The following SLCO3A1 variants were observed in gnomAD, a reference collection of about 807,000 sequenced individuals.
The protein encoded by SLCO3A1 is solute carrier organic anion transporter family member 3A1.
SLCO3A1 carries 27 observed loss-of-function variants against 63.1 expected under a neutral mutation model. The observed-to-expected ratio is 0.43, with a 90% CI of 0.32 to 0.59. SLCO3A1 has a LOEUF of 0.59. Among genes scored for constraint, SLCO3A1 ranks in the 20% least tolerant of loss-of-function variants. SLCO3A1 has a pLI of 0.09. For synonymous variants in SLCO3A1, 473 were observed against 409.9 expected (o/e 1.15, Z -1.86); for missense variants, 773 against 945.8 (o/e 0.82, Z 2.40).
chr15:92,087,388 GA>G (rs1313967242), intron 2 of SLCO3A1, among the ~76,000 whole-genome samples: 22 of 152,178 alleles, frequency 1.4e-4, no homozygotes, highest in Non-Finnish European at 2.9e-4. Flanking sequence ...GGAAAGTCTT[GA>G]CAACAGTTGT....
chr15:91,981,667 A>G (rs1477269493), intron 2 of SLCO3A1, among the ~76,000 whole-genome samples: 2 of 152,152 alleles, frequency 1.3e-5, no homozygotes, highest in African/African-American at 2.4e-5. Context: ...GAGGTCATGC[A>G]GTCACCCAAT....
At chr15:91,902,110 T>A (rs1898173045) in intron 1 of SLCO3A1, among the ~76,000 whole-genome samples, 1 of 152,212 alleles carries the variant, frequency 6.6e-6, no homozygotes, top group Non-Finnish European at 1.5e-5. Flanking sequence ...ATCAAGCTCC[T>A]TTTGTGAATT....
intron 2 of SLCO3A1, among the ~76,000 whole-genome samples, chr15:91,993,097 A>G (rs1223562335): frequency 6.6e-6 from 1 of 152,214 alleles, no homozygotes; most frequent in African/African-American, 2.4e-5. Flanking sequence ...GGTTTCAGCC[A>G]GTCTTATCTC....
At chr15:91,889,155 T>A in intron 1 of SLCO3A1, 1 of 1,285,360 alleles carries the variant, frequency 7.8e-7, no homozygotes, top group South Asian at 1.2e-5. Context: ...AAACTCTTAT[T>A]GTTCCTTGAC....
At chr15:92,151,230 T>TCTTCA (rs974601830) in intron 9 of SLCO3A1, 167 of 480,392 alleles carry the variant, frequency 3.5e-4, no homozygotes, top group African/African-American at 2.8e-3. Flanking sequence ...CCAACTCTTA[T>TCTTCA]CTTCACGCCA....
At chr15:91,868,769 C>G (rs2141852610) in intron 1 of SLCO3A1, among the ~76,000 whole-genome samples, 1 of 152,286 alleles carries the variant, frequency 6.6e-6, no homozygotes, top group South Asian at 2.1e-4. Flanking sequence ...TCAGCCCGTG[C>G]CTCTCTGCAG....
At chr15:91,906,320 G>T (rs1898306951) in intron 1 of SLCO3A1, among the ~76,000 whole-genome samples, 1 of 152,074 alleles carries the variant, frequency 6.6e-6, no homozygotes, top group East Asian at 1.9e-4. Flanking sequence ...CTTTATTCCG[G>T]TAGAGAGAAA....
chr15:92,023,268 T>A (rs2046532253), intron 2 of SLCO3A1, among the ~76,000 whole-genome samples: 1 of 152,192 alleles, frequency 6.6e-6, no homozygotes, highest in African/African-American at 2.4e-5. Flanking sequence ...TTACAGAACA[T>A]ACAAGGAAAA....
chr15:92,054,224 A>G (rs1054255312), intron 2 of SLCO3A1, among the ~76,000 whole-genome samples: 10 of 152,106 alleles, frequency 6.6e-5, no homozygotes, highest in South Asian at 2.1e-4. Flanking sequence ...TTCTGGCTCT[A>G]TGAGATGCTC....
At chr15:92,034,758 T>TC (rs2046702355) in intron 2 of SLCO3A1, among the ~76,000 whole-genome samples, 1 of 151,848 alleles carries the variant, frequency 6.6e-6, no homozygotes, top group Non-Finnish European at 1.5e-5. Context: ...CGTTCCCATG[T>TC]CCCCTCCAGT....
At position 92,163,767 on chromosome 15, in the gene SLCO3A1, G is replaced by C. The variant is rs1290403444; in HGVS notation, c.*632G>C. 3 of 985,334 alleles carry C rather than the reference G, an allele frequency of 3.0e-6. No homozygotes were observed. In the East Asian group the frequency reaches 3.4e-4, roughly 112 times the overall value. The allele number at this position is 985,334 out of a possible 1,614,324, so 61.0% of individuals were successfully genotyped here. Reference sequence around the variant, plus strand: ...GGTTCAAGGCCCCAGAGTTCTCTCAGTGATGCTAATGGGTGATCCGTGCTG... The same window carrying C: ...GGTTCAAGGCCCCAGAGTTCTCTCACTGATGCTAATGGGTGATCCGTGCTG... On this transcript the variant is annotated 3_prime_UTR_variant, in exon 10 of 10. Coordinates refer to ENST00000318445, the MANE Select transcript of SLCO3A1 (RefSeq NM_013272.4).
chr15:91,867,128 C>A (rs560426942), intron 1 of SLCO3A1, among the ~76,000 whole-genome samples: 1 of 152,190 alleles, frequency 6.6e-6, no homozygotes, highest in South Asian at 2.1e-4. Flanking sequence ...GTTAGCAGCG[C>A]GGAGGCTGTC....
At chr15:91,925,476 T>C (rs1898979347) in intron 2 of SLCO3A1, among the ~76,000 whole-genome samples, 1 of 113,450 alleles carries the variant, frequency 8.8e-6, no homozygotes, top group Non-Finnish European at 2.0e-5. Context: ...CAGTACCTTG[T>C]TTTTTTTTTT....
At chr15:91,889,141 G>T in intron 1 of SLCO3A1, 1 of 1,278,146 alleles carries the variant, frequency 7.8e-7, no homozygotes, top group Non-Finnish European at 1.0e-6. Flanking sequence ...ATGGTTTTCT[G>T]CATAAACTCT....
At chr15:91,973,194 C>T (rs1449156155) in intron 2 of SLCO3A1, among the ~76,000 whole-genome samples, 1 of 152,232 alleles carries the variant, frequency 6.6e-6, no homozygotes, top group East Asian at 1.9e-4. Flanking sequence ...AACCCCTCTG[C>T]TCTCTCATTT....
chr15:92,134,609 G>A (rs188768688), intron 7 of SLCO3A1, among the ~76,000 whole-genome samples: 5 of 152,222 alleles, frequency 3.3e-5, no homozygotes, highest in African/African-American at 4.8e-5. Flanking sequence ...AAAAAATATT[G>A]GAAGAACATA....
At chr15:92,031,842 C>T (rs1428888021) in intron 2 of SLCO3A1, among the ~76,000 whole-genome samples, 1 of 120,146 alleles carries the variant, frequency 8.3e-6, no homozygotes, top group African/African-American at 3.6e-5. Flanking sequence ...TTTAAATATA[C>T]AGTAAATTAC....
At chr15:92,000,930 T>C (rs1177791491) in intron 2 of SLCO3A1, among the ~76,000 whole-genome samples, 4 of 152,164 alleles carry the variant, frequency 2.6e-5, no homozygotes, top group African/African-American at 9.7e-5. Flanking sequence ...TGGAGGGCTT[T>C]GTACATTGGC....
At chr15:91,962,361 C>A (rs751627794) in intron 2 of SLCO3A1, among the ~76,000 whole-genome samples, 36 of 151,768 alleles carry the variant, frequency 2.4e-4, no homozygotes, top group Non-Finnish European at 4.6e-4. Flanking sequence ...TGCCTGTGAT[C>A]CCAGCTACTC....
Sources: gnomAD v4.1 joint callset for allele counts (sites outside exome capture counted in the v4.1 genomes callset) on GRCh38, gnomAD v4.1.1 for gene constraint, MANE v1.5 for transcripts, NCBI Gene and HGNC (gene_info 2026-07-23, HGNC 2026-07-21) for gene names.